Variants in PRKN observed in about 807,000 individuals in gnomAD.
PRKN encodes the protein E3 ubiquitin-protein ligase parkin.
Under a neutral mutation model 59.5 loss-of-function variants are expected in PRKN, and 56 were observed. That is an observed-to-expected ratio of 0.94 (90% CI 0.76 to 1.18). PRKN has a LOEUF of 1.18. PRKN is among the 50% of genes most tolerant of loss of function. The pLI is 0.00. For synonymous variants in PRKN, 250 were observed against 222.1 expected (o/e 1.13, Z -1.12); for missense variants, 657 against 596.4 (o/e 1.10, Z -1.06).
intron 4 of PRKN, among the ~76,000 whole-genome samples, chr6:162,095,536 G>A (rs569369725): frequency 2.2e-4 from 34 of 152,034 alleles, no homozygotes; most frequent in African/African-American, 8.0e-4. Context: ...AGTTACGATC[G>A]CTGACCTATT....
At chr6:162,374,861 A>C (rs956755341) in intron 2 of PRKN, among the ~76,000 whole-genome samples, 3 of 152,162 alleles carry the variant, frequency 2.0e-5, no homozygotes, top group African/African-American at 7.2e-5. Flanking sequence ...TCTATGAATC[A>C]ATTAAAATTG....
intron 9 of PRKN, among the ~76,000 whole-genome samples, chr6:161,474,555 G>A (rs1162759643): frequency 6.6e-6 from 1 of 151,988 alleles, no homozygotes; most frequent in Non-Finnish European, 1.5e-5. Flanking sequence ...TGATTTTAGA[G>A]CAGCTGTAGA....
intron 7 of PRKN, among the ~76,000 whole-genome samples, chr6:161,601,720 T>C (rs371359557): frequency 2.0e-5 from 3 of 151,760 alleles, no homozygotes; most frequent in East Asian, 1.9e-4. Flanking sequence ...GTAGCTGGGA[T>C]TACAGGCGCC....
At position 161,400,776 on chromosome 6, in the gene PRKN, A is replaced by G. The variant is rs1480621315; in HGVS notation, c.1084-13899T>C. On this transcript the variant is annotated intron_variant, in intron 9 of 11. Transcript: ENST00000366898. The surrounding 1 kb of genome is among the most constrained non-coding windows in gnomAD (Gnocchi z 4.2). ...ACAGAAAATCAGTCAAATTAAAGAA[A>G]ATATGAGGCGTAACTGCCCTGCAGT... Among the ~76,000 whole-genome samples, 1 of 152,186 alleles carries G rather than the reference A, an allele frequency of 6.6e-6. No homozygotes were observed. Among genetic ancestry groups the G allele is most frequent in the East Asian group, 1.9e-4 (1 of 5,200 alleles).
chr6:162,029,757 G>A (rs1031303117), intron 5 of PRKN, among the ~76,000 whole-genome samples: 4 of 152,114 alleles, frequency 2.6e-5, no homozygotes, highest in Admixed American at 6.5e-5. Flanking sequence ...TCATTGGAAG[G>A]TGTTAACAAC....
At chr6:162,005,424 C>T (rs1782211498) in intron 5 of PRKN, among the ~76,000 whole-genome samples, 1 of 152,042 alleles carries the variant, frequency 6.6e-6, no homozygotes, top group African/African-American at 2.4e-5. Flanking sequence ...TTAAGTCGAC[C>T]TCTTCACTTT....
At chr6:162,258,318 G>C (rs760373959) in intron 3 of PRKN, among the ~76,000 whole-genome samples, 6 of 152,162 alleles carry the variant, frequency 3.9e-5, no homozygotes, top group Non-Finnish European at 8.8e-5. Context: ...CACAGAGTAA[G>C]GACTCAATCG....
chr6:161,580,000 A>C lies in PRKN; in HGVS notation c.872-10584T>G, dbSNP rs989614720. On this transcript the variant is annotated intron_variant, in intron 7 of 11. Transcript: ENST00000366898. The surrounding 1 kb of genome is among the most constrained non-coding windows in gnomAD (Gnocchi z 4.2). Reference sequence around the variant, plus strand: ...CTTAAATTCATCACTGCTTTTATATAGCATCCCTGCTTTTATATATTTAGA... The same window carrying C: ...CTTAAATTCATCACTGCTTTTATATCGCATCCCTGCTTTTATATATTTAGA... Among the ~76,000 whole-genome samples the C allele has an allele frequency of 1.8e-4, 27 of 152,208 alleles. No homozygotes were observed. Among genetic ancestry groups the C allele is most frequent in the Admixed American group, 1.8e-3 (27 of 15,282 alleles).
At chr6:162,507,285 C>T (rs1391955789) in intron 1 of PRKN, among the ~76,000 whole-genome samples, 1 of 152,066 alleles carries the variant, frequency 6.6e-6, no homozygotes, top group Non-Finnish European at 1.5e-5. Flanking sequence ...TTCTTTGAAA[C>T]GCAAATCGTA....
intron 4 of PRKN, among the ~76,000 whole-genome samples, chr6:162,104,823 C>A (rs993307704): frequency 6.6e-6 from 1 of 152,014 alleles, no homozygotes; most frequent in African/African-American, 2.4e-5. Flanking sequence ...AAAGTAAATG[C>A]AAAATTAAGA....
At chr6:162,553,342 G>A (rs1260129312) in intron 1 of PRKN, among the ~76,000 whole-genome samples, 3 of 151,846 alleles carry the variant, frequency 2.0e-5, no homozygotes, top group African/African-American at 7.3e-5. Context: ...AACATATAAG[G>A]CAAAGTGAGC....
At chr6:161,449,641 C>A (rs1358662992) in intron 9 of PRKN, among the ~76,000 whole-genome samples, 1 of 152,174 alleles carries the variant, frequency 6.6e-6, no homozygotes, top group African/African-American at 2.4e-5. Context: ...TTGGTAGTTG[C>A]TGAAAACTGG....
intron 2 of PRKN, among the ~76,000 whole-genome samples, chr6:162,371,367 C>A (rs937500853): frequency 6.6e-6 from 1 of 152,158 alleles, no homozygotes; most frequent in Non-Finnish European, 1.5e-5. Context: ...CTCACAGCCG[C>A]CCTCATGCAG....
In PRKN at chr6:161,401,857, G is replaced by T. The variant is rs550268282; in HGVS notation, c.1084-14980C>A. Among the ~76,000 whole-genome samples the T allele has an allele frequency of 6.6e-6, 1 of 152,278 alleles. No individual in the cohort carries two copies. Among genetic ancestry groups the T allele is most frequent in the African/African-American group, 2.4e-5 (1 of 41,556 alleles). ...TTATTCATGAATGTTCTGGCTCAAA[G>T]GAGGAGAGAGAAGATGAGAGATCCA... On this transcript the variant is annotated intron_variant, in intron 9 of 11. Transcript: ENST00000366898. This position sits in a 1 kb window ranked among gnomAD's most constrained non-coding sequence, Gnocchi z 4.4.
At chr6:161,823,101 ATT>A (rs543383314) in intron 6 of PRKN, among the ~76,000 whole-genome samples, 28 of 138,804 alleles carry the variant, frequency 2.0e-4, no homozygotes, top group Admixed American at 2.2e-4. Context: ...TGCCAGGCTA[ATT>A]TTTTTTTTTT....
At chr6:161,609,803 G>T (rs1422523614) in intron 7 of PRKN, among the ~76,000 whole-genome samples, 4 of 152,188 alleles carry the variant, frequency 2.6e-5, no homozygotes, top group Non-Finnish European at 4.4e-5. Context: ...CGCAGTGCCT[G>T]GGGGCTGGAC....
rs370322047 is a variant in PRKN at position 162,345,254 on chromosome 6, C to T, written c.172-82489G>A. On this transcript the variant is annotated intron_variant, in intron 2 of 11. Coordinates refer to ENST00000366898, the MANE Select transcript of PRKN (RefSeq NM_004562.3). ...CTTTCTGTCTAGCATTGAAAATGGTCATTTTAAGAATCAGGGCAGATGTTG... is the reference window on the plus strand; with the variant it reads ...CTTTCTGTCTAGCATTGAAAATGGTTATTTTAAGAATCAGGGCAGATGTTG... Among the ~76,000 whole-genome samples the T allele has an allele frequency of 6.6e-5, 10 of 152,148 alleles. No individual in the cohort carries two copies. The East Asian group carries it at 1.7e-3, about 26-fold the overall frequency.
chr6:162,434,797 A>G (rs1272725137), intron 2 of PRKN, among the ~76,000 whole-genome samples: 9 of 152,216 alleles, frequency 5.9e-5, no homozygotes, highest in Non-Finnish European at 1.2e-4. Flanking sequence ...TGTATTCATC[A>G]TAAGTGAGTT....
At position 161,355,801 on chromosome 6, in the gene PRKN, T is replaced by C. The variant is rs1243700734; in HGVS notation, c.1285+4287A>G. ...CAAGGTCCCTGATCTCACCGGCTTA[T>C]GTTCTAAAGAGCGACAGATGGGGAA... On this transcript the variant is annotated intron_variant, in intron 11 of 11. Transcript: ENST00000366898. The surrounding 1 kb of genome is among the most constrained non-coding windows in gnomAD (Gnocchi z 6.8). Among the ~76,000 whole-genome samples, 1 of 152,226 alleles carries C rather than the reference T, an allele frequency of 6.6e-6. No homozygotes were observed. Among genetic ancestry groups the C allele is most frequent in the Non-Finnish European group, 1.5e-5 (1 of 68,040 alleles).
Sources: allele counts gnomAD v4.1 joint callset (sites outside exome capture counted in the v4.1 genomes callset), GRCh38; gene constraint gnomAD v4.1.1; non-coding constraint Gnocchi (gnomAD v3.1); transcripts MANE v1.5; gene names NCBI Gene and HGNC (gene_info 2026-07-23, HGNC 2026-07-21).